Variants in FHIP1A observed in about 807,000 individuals in gnomAD.
FHIP1A encodes the protein FHF complex subunit HOOK interacting protein 1A, also known as FHF complex subunit HOOK-interacting protein 1A.
Under a neutral mutation model 88.6 loss-of-function variants are expected in FHIP1A, and 61 were observed. The ratio of observed to expected loss-of-function variants is 0.69; its 90% CI spans 0.56 to 0.85. FHIP1A has a LOEUF of 0.85. Ranked by LOEUF, FHIP1A falls within the 40% of genes least tolerant of loss-of-function variation. The probability of loss-of-function intolerance (pLI) is 0.00; values close to 1 mark genes in which losing one functional copy is unlikely to be tolerated. For synonymous variants in FHIP1A, 478 were observed against 496.0 expected (o/e 0.96, Z 0.48); for missense variants, 1,154 against 1,273.5 (o/e 0.91, Z 1.43).
chr4:151,455,650 A>G (rs538984395), intron 2 of FHIP1A, among the ~76,000 whole-genome samples: 3 of 152,052 alleles, frequency 2.0e-5, no homozygotes, highest in South Asian at 2.1e-4. Flanking sequence ...TGCTGTGGGT[A>G]TTTTCTGAAA....
At chr4:151,432,451 G>C (rs763663692) in intron 1 of FHIP1A, among the ~76,000 whole-genome samples, 1 of 152,190 alleles carries the variant, frequency 6.6e-6, no homozygotes, top group African/African-American at 2.4e-5. Flanking sequence ...AGCAAGCAAG[G>C]TTCCTATTCT....
chr4:151,649,759 G>A lies in FHIP1A; in HGVS notation c.1718G>A (p.Ser573Asn). ...CAGCTGGCTCCCAGAAAGGACAAGA[G>A]CCAGACAGAGCTGGAATGGGATGAC... ...GPQLAPRKDK[S>N]QTELEWDDSY... The change falls in exon 11 of 14, where the codon AGC becomes AAC. Residue 573 changes from serine to asparagine, a missense_variant. Physicochemically the swap from Ser to Asn is conservative, Grantham distance 46 (BLOSUM62 1). Coordinates refer to ENST00000435205, the MANE Select transcript of FHIP1A (RefSeq NM_001109977.3). The A allele has an allele frequency of 6.4e-7, 1 of 1,551,686 alleles. No homozygotes were observed. The highest frequency in any genetic ancestry group is 8.7e-7 in the Non-Finnish European group (1 of 1,146,974).
chr4:151,536,207 T>C (rs1267646310), intron 3 of FHIP1A, among the ~76,000 whole-genome samples: 2 of 152,204 alleles, frequency 1.3e-5, no homozygotes, highest in African/African-American at 4.8e-5. Context: ...TTGCCCAGTT[T>C]CCCCCAGTGG....
intron 8 of FHIP1A, among the ~76,000 whole-genome samples, chr4:151,633,039 C>T (rs1293800153): frequency 6.6e-6 from 1 of 151,622 alleles, no homozygotes; most frequent in Non-Finnish European, 1.5e-5. Flanking sequence ...TTTTTTAAAA[C>T]AACAGCAATA....
intron 7 of FHIP1A, among the ~76,000 whole-genome samples, chr4:151,590,207 A>G (rs1734371259): frequency 6.6e-6 from 1 of 152,234 alleles, no homozygotes; most frequent in Non-Finnish European, 1.5e-5. Flanking sequence ...ATTCTTTGGC[A>G]GTAATTATCC....
At chr4:151,514,769 C>T (rs1731166257) in intron 3 of FHIP1A, among the ~76,000 whole-genome samples, 1 of 152,044 alleles carries the variant, frequency 6.6e-6, no homozygotes, top group Non-Finnish European at 1.5e-5. Context: ...AGTTGAATCT[C>T]TGAATAGACC....
chr4:151,624,154 G>C (rs889144770), intron 7 of FHIP1A, among the ~76,000 whole-genome samples: 6 of 152,186 alleles, frequency 3.9e-5, no homozygotes, highest in African/African-American at 1.4e-4. Context: ...TCATGACAAG[G>C]TAATCTGAAC....
chr4:151,590,775 G>A (rs948756334), intron 7 of FHIP1A, among the ~76,000 whole-genome samples: 3 of 152,154 alleles, frequency 2.0e-5, no homozygotes, highest in African/African-American at 7.2e-5. Context: ...CATATATTAT[G>A]TAATATCCTC....
chr4:151,590,882 AT>A (rs1734398544), intron 7 of FHIP1A, among the ~76,000 whole-genome samples: 1 of 152,250 alleles, frequency 6.6e-6, no homozygotes, highest in African/African-American at 2.4e-5. Context: ...TATTATAAAA[AT>A]AAAAAAGAGT....
At chr4:151,613,519 T>G (rs1479896477) in intron 7 of FHIP1A, among the ~76,000 whole-genome samples, 1 of 152,216 alleles carries the variant, frequency 6.6e-6, no homozygotes, top group South Asian at 2.1e-4. Context: ...GGGCTTGAAT[T>G]TTCTTTGAAG....
At chr4:151,503,118 C>T (rs1003813471) in intron 3 of FHIP1A, among the ~76,000 whole-genome samples, 1 of 152,200 alleles carries the variant, frequency 6.6e-6, no homozygotes, top group South Asian at 2.1e-4. Context: ...AGAGAGAGGT[C>T]TAGTATAAAG....
intron 7 of FHIP1A, among the ~76,000 whole-genome samples, chr4:151,625,777 T>C (rs764162656): frequency 2.0e-5 from 3 of 152,168 alleles, no homozygotes; most frequent in Non-Finnish European, 2.9e-5. Flanking sequence ...GAAATTCTAA[T>C]AAAAAATAAA....
Position 151,572,836 on chromosome 4 carries a change from G to T in FHIP1A, c.106-4614G>T, listed in dbSNP as rs114165779. ...GTAAGACATAGAATAATATTAAGTGGAATCAAAGCTAGTCTCCTGAGAGAG... is the reference window on the plus strand; with the variant it reads ...GTAAGACATAGAATAATATTAAGTGTAATCAAAGCTAGTCTCCTGAGAGAG... On this transcript the variant is annotated intron_variant, in intron 4 of 13. Transcript: ENST00000435205. Among the ~76,000 whole-genome samples, 1,397 of 152,238 alleles carry T rather than the reference G, an allele frequency of 9.2e-3. 8 individuals are homozygous for T. Among genetic ancestry groups the T allele is most frequent in the Non-Finnish European group, 0.015 (993 of 67,998 alleles).
At chr4:151,515,220 T>C (rs1180554216) in intron 3 of FHIP1A, among the ~76,000 whole-genome samples, 4 of 147,654 alleles carry the variant, frequency 2.7e-5, no homozygotes, top group Non-Finnish European at 3.0e-5. Flanking sequence ...ATTATCTCAA[T>C]AGATGCAGAA....
At chr4:151,644,923 C>T (rs1272518860) in intron 9 of FHIP1A, among the ~76,000 whole-genome samples, 1 of 152,190 alleles carries the variant, frequency 6.6e-6, no homozygotes, top group African/African-American at 2.4e-5. Flanking sequence ...GAATGCTTCT[C>T]TCTCCTGTGT....
intron 1 of FHIP1A, among the ~76,000 whole-genome samples, chr4:151,438,262 A>G (rs569240463): frequency 4.6e-5 from 7 of 151,932 alleles, no homozygotes; most frequent in Non-Finnish European, 7.4e-5. Context: ...TAATGGGACT[A>G]TTTTCCTTGG....
chr4:151,653,575 A>G (rs1393009195), intron 11 of FHIP1A, among the ~76,000 whole-genome samples: 2 of 152,212 alleles, frequency 1.3e-5, no homozygotes, highest in Non-Finnish European at 2.9e-5. Flanking sequence ...ATACATGAAA[A>G]GTACTTAGCA....
At chr4:151,413,635 A>G (rs886344907) in intron 1 of FHIP1A, among the ~76,000 whole-genome samples, 2 of 151,724 alleles carry the variant, frequency 1.3e-5, no homozygotes, top group African/African-American at 2.4e-5. Context: ...TTGTATTTTT[A>G]GTGGAGATAG....
At chr4:151,606,473 T>C (rs1307815265) in intron 7 of FHIP1A, among the ~76,000 whole-genome samples, 1 of 152,248 alleles carries the variant, frequency 6.6e-6, no homozygotes, top group Admixed American at 6.5e-5. Context: ...GTTTTTTAAA[T>C]TTGGTGGTTC....
Sources: gnomAD v4.1 joint callset for allele counts (sites outside exome capture counted in the v4.1 genomes callset) on GRCh38, gnomAD v4.1.1 for gene constraint, MANE v1.5 for transcripts, NCBI Gene and HGNC (gene_info 2026-07-23, HGNC 2026-07-21) for gene names.